The following PHACTR3 variants were observed in gnomAD, a reference collection of about 807,000 sequenced individuals.
The protein encoded by PHACTR3 is protein phosphatase 1, regulatory subunit 123.
In PHACTR3, 16 loss-of-function variants were observed where a neutral mutation model predicts 66.8. The ratio of observed to expected loss-of-function variants is 0.24; its 90% confidence interval spans 0.16 to 0.36. The LOEUF (loss-of-function observed/expected upper bound fraction) is 0.36, where lower values mean the gene tolerates loss of function less well. Ranked by LOEUF, PHACTR3 falls within the 10% of genes least tolerant of loss-of-function variation. The probability of loss-of-function intolerance (pLI) is 1.00; values close to 1 mark genes in which losing one functional copy is unlikely to be tolerated. For synonymous variants in PHACTR3, 323 were observed against 292.1 expected (o/e 1.11, Z -1.08); for missense variants, 647 against 719.9 (o/e 0.90, Z 1.16).
intron 1 of PHACTR3, among the ~76,000 whole-genome samples, chr20:59,597,996 T>C (rs977741279): frequency 2.0e-5 from 3 of 152,184 alleles, no homozygotes; most frequent in African/African-American, 7.2e-5. Context: ...GAGCATGCAG[T>C]ATCTGTCACT....
chr20:59,712,162 T>C (rs192147202), intron 1 of PHACTR3, among the ~76,000 whole-genome samples: 1 of 152,354 alleles, frequency 6.6e-6, no homozygotes, highest in Admixed American at 6.5e-5. Flanking sequence ...TCAGTTTTTT[T>C]CCCTAGATTT....
chr20:59,768,661 C>T (rs1280383619), intron 5 of PHACTR3, among the ~76,000 whole-genome samples: 6 of 152,202 alleles, frequency 3.9e-5, no homozygotes, highest in Admixed American at 2.0e-4. Context: ...AAGGAGAGCC[C>T]GGGCATGAGC....
chr20:59,641,661 T>C (rs1338410178), intron 1 of PHACTR3, among the ~76,000 whole-genome samples: 1 of 152,180 alleles, frequency 6.6e-6, no homozygotes, highest in Non-Finnish European at 1.5e-5. Context: ...TTTCACCAAA[T>C]GTGTGGGCAC....
At chr20:59,807,782 A>T (rs2041615697) in intron 8 of PHACTR3, among the ~76,000 whole-genome samples, 1 of 152,176 alleles carries the variant, frequency 6.6e-6, no homozygotes, top group East Asian at 1.9e-4. Context: ...CAACTATCTT[A>T]TATGTGTCGT....
intron 1 of PHACTR3, among the ~76,000 whole-genome samples, chr20:59,608,367 G>A (rs1000796603): frequency 3.3e-5 from 5 of 152,258 alleles, no homozygotes; most frequent in African/African-American, 1.2e-4. Context: ...CTATAAATCC[G>A]CACTCTACAC....
At chr20:59,638,924 TAGG>T (rs2034999590) in intron 1 of PHACTR3, among the ~76,000 whole-genome samples, 1 of 114,916 alleles carries the variant, frequency 8.7e-6, no homozygotes, top group South Asian at 2.7e-4. Flanking sequence ...GATAGATGGA[TAGG>T]AGGATGGATT....
chr20:59,751,590 C>T (rs930120165), intron 3 of PHACTR3, among the ~76,000 whole-genome samples: 4 of 152,218 alleles, frequency 2.6e-5, no homozygotes, highest in East Asian at 1.9e-4. Flanking sequence ...CGCCAGCTCC[C>T]GGGGGTGAGG....
chr20:59,840,831 T>A (rs1203738945), intron 10 of PHACTR3, among the ~76,000 whole-genome samples: 1 of 152,244 alleles, frequency 6.6e-6, no homozygotes, highest in Non-Finnish European at 1.5e-5. Flanking sequence ...GTTCCTCAGT[T>A]GCAGAAAGCT....
intron 7 of PHACTR3, among the ~76,000 whole-genome samples, chr20:59,777,665 C>T (rs1294125455): frequency 6.6e-6 from 1 of 152,238 alleles, no homozygotes; most frequent in Admixed American, 6.5e-5. Context: ...TCTCTATTCT[C>T]TGTCTCTTTG....
At position 59,644,237 on chromosome 20, in the gene PHACTR3, GTGA is replaced by G. The variant is rs769313487; in HGVS notation, c.118+39108_118+39110del. 4.6e-5 allele frequency among the ~76,000 whole-genome samples: 7 copies of G among 152,316 alleles called. No homozygotes were observed. In the East Asian group the frequency reaches 9.6e-4, roughly 21 times the overall value. On this transcript the variant is annotated intron_variant, in intron 1 of 12. Coordinates refer to ENST00000371015, the MANE Select transcript of PHACTR3 (RefSeq NM_080672.5). Reference sequence around the variant, plus strand: ...CAGAAGCTTCCCTCACAGAGCTATGGTGATGGAGAAGGCAGCTGCAAATCAAGT... The same window carrying G: ...CAGAAGCTTCCCTCACAGAGCTATGGTGGAGAAGGCAGCTGCAAATCAAGT...
chr20:59,755,932 A>G (rs571216426), intron 4 of PHACTR3, among the ~76,000 whole-genome samples: 94 of 152,284 alleles, frequency 6.2e-4, no homozygotes, highest in African/African-American at 2.2e-3. Flanking sequence ...CCTTGCTCCA[A>G]GCCTCAGTTT....
At chr20:59,699,418 T>C (rs2037414697) in intron 1 of PHACTR3, among the ~76,000 whole-genome samples, 1 of 152,204 alleles carries the variant, frequency 6.6e-6, no homozygotes, top group African/African-American at 2.4e-5. Flanking sequence ...CTTTTTATGC[T>C]ATTAAAAGAA....
At chr20:59,583,724 C>T (rs937906671) in intron 1 of PHACTR3, among the ~76,000 whole-genome samples, 4 of 152,172 alleles carry the variant, frequency 2.6e-5, no homozygotes, top group African/African-American at 4.8e-5. Context: ...TAGCCTGGGC[C>T]GGGGCTGGCT....
chr20:59,622,440 A>C (rs2034276236), intron 1 of PHACTR3, among the ~76,000 whole-genome samples: 1 of 152,162 alleles, frequency 6.6e-6, no homozygotes, highest in African/African-American at 2.4e-5. Context: ...CAGGATTTTA[A>C]CATTACAGTG....
intron 1 of PHACTR3, among the ~76,000 whole-genome samples, chr20:59,742,041 G>A (rs928158315): frequency 1.3e-5 from 2 of 152,358 alleles, no homozygotes; most frequent in Admixed American, 6.5e-5. Flanking sequence ...GATTATAGGC[G>A]TAAGCCACTG....
At chr20:59,580,182 A>G (rs935515982) in intron 1 of PHACTR3, among the ~76,000 whole-genome samples, 2 of 152,052 alleles carry the variant, frequency 1.3e-5, no homozygotes, top group Non-Finnish European at 2.9e-5. Context: ...GTTGCATTTC[A>G]ATGTTGAGTC....
chr20:59,688,150 A>C (rs1382131828), intron 1 of PHACTR3, among the ~76,000 whole-genome samples: 4 of 152,240 alleles, frequency 2.6e-5, no homozygotes, highest in African/African-American at 9.6e-5. Flanking sequence ...ATTAGAGCCA[A>C]GATGTAAAGT....
At chr20:59,607,218 G>C (rs1236483891) in intron 1 of PHACTR3, among the ~76,000 whole-genome samples, 5 of 152,122 alleles carry the variant, frequency 3.3e-5, no homozygotes, top group South Asian at 2.1e-4. Flanking sequence ...GGTTCCAAAG[G>C]GTCTGGTACC....
intron 1 of PHACTR3, among the ~76,000 whole-genome samples, chr20:59,639,616 G>T (rs2035029406): frequency 6.6e-6 from 1 of 152,164 alleles, no homozygotes; most frequent in Non-Finnish European, 1.5e-5. Context: ...TTGGTATTGA[G>T]TCCCAGTTCT....
Sources: gnomAD v4.1 joint callset for allele counts (sites outside exome capture counted in the v4.1 genomes callset) on GRCh38, gnomAD v4.1.1 for gene constraint, MANE v1.5 for transcripts, NCBI Gene and HGNC (gene_info 2026-07-23, HGNC 2026-07-21) for gene names.